The following PCDHGA5 variants were observed in gnomAD, a reference collection of about 807,000 sequenced individuals.
PCDHGA5 encodes protocadherin gamma-A5.
In PCDHGA5, 36 loss-of-function variants were observed where a neutral mutation model predicts 56.7. The observed-to-expected ratio is 0.64, with a 90% CI of 0.49 to 0.84. The LOEUF is 0.84. Ranked by LOEUF, PCDHGA5 falls within the 40% of genes least tolerant of loss-of-function variation. The pLI, the probability that PCDHGA5 is intolerant of heterozygous loss-of-function variation, is 0.00. For missense variants in PCDHGA5, 1,305 were observed against 1,201.5 expected (o/e 1.09, Z -1.27); for synonymous variants, 563 against 520.2 (o/e 1.08, Z -1.12).
chr5:141,399,672 C>T (rs1322373656), intron 1 of PCDHGA5: 1 of 1,613,510 alleles, frequency 6.2e-7, no homozygotes, highest in Admixed American at 1.7e-5. Context: ...CGCAGCGCGC[C>T]TTTGACTACG....
chr5:141,458,059 T>A (rs533147047), intron 1 of PCDHGA5, among the ~76,000 whole-genome samples: 1 of 152,238 alleles, frequency 6.6e-6, no homozygotes, highest in Admixed American at 6.5e-5. Flanking sequence ...CTTGCTGCAC[T>A]GATGCGAACA....
intron 1 of PCDHGA5, chr5:141,374,344 G>A (rs1770398551): frequency 6.2e-7 from 1 of 1,614,034 alleles, no homozygotes; most frequent in Non-Finnish European, 8.5e-7. Context: ...TGGTCACCGC[G>A]GGTAGGATAG....
In PCDHGA5 at chr5:141,392,907, C is replaced by T. The variant is rs746317747; in HGVS notation, c.2421+26156C>T. The T allele has an allele frequency of 5.6e-6, 9 of 1,613,824 alleles. No homozygotes were observed. In the East Asian group the frequency reaches 1.8e-4, roughly 32 times the overall value. On this transcript the variant is annotated intron_variant, in intron 1 of 3. Coordinates refer to ENST00000518069, the MANE Select transcript of PCDHGA5 (RefSeq NM_018918.3). Reference sequence around the variant, plus strand: ...GTGGGAAATCGGGAGGGGACAGATTCGCTACTCTGTGCCAGAAGAGACGGA... The same window carrying T: ...GTGGGAAATCGGGAGGGGACAGATTTGCTACTCTGTGCCAGAAGAGACGGA...
intron 1 of PCDHGA5, chr5:141,418,101 G>T: frequency 6.2e-7 from 1 of 1,614,082 alleles, no homozygotes; most frequent in Non-Finnish European, 8.5e-7. Context: ...GACGCGCAGA[G>T]CGGGGACTTA....
At chr5:141,443,321 A>AC (rs1175439570) in intron 1 of PCDHGA5, among the ~76,000 whole-genome samples, 1 of 151,616 alleles carries the variant, frequency 6.6e-6, no homozygotes, top group African/African-American at 2.4e-5. Flanking sequence ...TCTCTACAAA[A>AC]AAAAAAAACA....
At chr5:141,499,029 A>AAGGAAGGAAGGAAGGAAGGAAGG (rs1562187768) in intron 2 of PCDHGA5, among the ~76,000 whole-genome samples, 1 of 139,968 alleles carries the variant, frequency 7.1e-6, no homozygotes, top group African/African-American at 2.8e-5. Flanking sequence ...AGGAAGGAAG[A>AAGGAAGGAAGGAAGGAAGGAAGG]AAAGAAAGAA....
Position 141,494,855 on chromosome 5 carries a change from G to A in PCDHGA5, c.2470G>A (p.Gly824Ser), listed in dbSNP as rs200418116. The A allele has an allele frequency of 4.8e-4, 774 of 1,614,092 alleles. 7 individuals carry two copies. The South Asian group carries it at 5.1e-3, about 11-fold the overall frequency. ...GCGTTTCTCTCAGGCCCAGAGACCC[G>A]GCACCAGCGGGTAGGTGACTGATTC... is the stretch of plus-strand genomic sequence containing the variant. ...DWRFSQAQRP[G>S]TSGSQNGDDT... Residue 824 changes from glycine (G) to serine (S), a missense_variant, in exon 2 of 4, where the codon GGC becomes AGC. Coordinates refer to ENST00000518069, the MANE Select transcript of PCDHGA5 (RefSeq NM_018918.3).
intron 1 of PCDHGA5, among the ~76,000 whole-genome samples, chr5:141,460,983 GTATA>G (rs59296681): frequency 0.024 from 3,365 of 137,748 alleles, 55 homozygotes; most frequent in African/African-American, 0.035. Flanking sequence ...GTGTGTGTGT[GTATA>G]TATATATATG....
chr5:141,427,854 TGC>T (rs2097079964), intron 1 of PCDHGA5: 1 of 1,553,594 alleles, frequency 6.4e-7, no homozygotes, highest in Non-Finnish European at 8.8e-7. Context: ...CGAGCAGCTG[TGC>T]GCCTTCGAGC....
intron 1 of PCDHGA5, chr5:141,412,314 A>G (rs913648948): frequency 6.6e-6 from 1 of 152,240 alleles, no homozygotes; most frequent in African/African-American, 2.4e-5. Flanking sequence ...CAATGCAAAC[A>G]GTTTAATTTG....
At position 141,491,651 on chromosome 5, in the gene PCDHGA5, A is replaced by G. The variant is rs1379494110; in HGVS notation, c.2422-3156A>G. 1.9e-6 allele frequency: 3 copies of G among 1,613,796 alleles called. 1 individual carries two copies. ...CAGCAGCCCACAGCTCTGGCGCTGGAGCCTGACGCCATCCGGTCCCGCTCT... is the reference window on the plus strand; with the variant it reads ...CAGCAGCCCACAGCTCTGGCGCTGGGGCCTGACGCCATCCGGTCCCGCTCT... On this transcript the variant is annotated intron_variant, in intron 1 of 3. Coordinates refer to ENST00000518069, the MANE Select transcript of PCDHGA5 (RefSeq NM_018918.3). The surrounding 1 kb of genome is among the most constrained non-coding windows in gnomAD (Gnocchi z 6.9).
At chr5:141,384,479 A>T (rs1457273587) in intron 1 of PCDHGA5, 2 of 1,614,064 alleles carry the variant, frequency 1.2e-6, no homozygotes, top group South Asian at 2.2e-5. Context: ...CAGTTGAGAG[A>T]ACTACAACTA....
Position 141,476,782 on chromosome 5 carries a change from A to T in PCDHGA5, c.2422-18025A>T. On this transcript the variant is annotated intron_variant, in intron 1 of 3. Coordinates refer to ENST00000518069, the MANE Select transcript of PCDHGA5 (RefSeq NM_018918.3). The surrounding 1 kb of genome is among the most constrained non-coding windows in gnomAD (Gnocchi z 7.6). ...TGACGGCGTTGGACGGAGGGACCCCAGCTCTCTCCGCCAGCCTGCCTATTC... is the reference window on the plus strand; with the variant it reads ...TGACGGCGTTGGACGGAGGGACCCCTGCTCTCTCCGCCAGCCTGCCTATTC... 6.2e-7 allele frequency: 1 copy of T among 1,613,568 alleles called. No individual in the cohort carries two copies. The highest frequency in any genetic ancestry group is 8.5e-7 in the Non-Finnish European group (1 of 1,179,996).
At chr5:141,415,081 C>T in intron 1 of PCDHGA5, 1 of 1,613,522 alleles carries the variant, frequency 6.2e-7, no homozygotes, top group Non-Finnish European at 8.5e-7. Context: ...GGCGCGAGCC[C>T]TGCTGGACAG....
intron 1 of PCDHGA5, among the ~76,000 whole-genome samples, chr5:141,488,938 A>T (rs1195859645): frequency 6.6e-6 from 1 of 152,154 alleles, no homozygotes; most frequent in East Asian, 1.9e-4. Context: ...AGGAAACTCC[A>T]TAATTGGTTG....
chr5:141,409,567 G>A (rs974585499), intron 1 of PCDHGA5: 1 of 1,613,896 alleles, frequency 6.2e-7, no homozygotes, highest in African/African-American at 1.3e-5. Flanking sequence ...TCGACCAGAC[G>A]TCCTACGTGG....
rs374191427 is a variant in PCDHGA5 at position 141,419,804 on chromosome 5, G to A, written c.2421+53053G>A. ...GCGCCTGCTAGTCGCTGTAAGAGAT[G>A]GAGGACAGCCACCCCTTTCAGCCAC... On this transcript the variant is annotated intron_variant, in intron 1 of 3. Coordinates refer to ENST00000518069, the MANE Select transcript of PCDHGA5 (RefSeq NM_018918.3). The A allele has an allele frequency of 2.8e-5, 45 of 1,613,946 alleles. No homozygotes were observed. The highest frequency in any genetic ancestry group is 1.6e-4 in the Middle Eastern group (1 of 6,082).
At chr5:141,466,871 T>G (rs1432611218) in intron 1 of PCDHGA5, among the ~76,000 whole-genome samples, 1 of 152,166 alleles carries the variant, frequency 6.6e-6, no homozygotes, top group Admixed American at 6.5e-5. Flanking sequence ...ATCCACACAT[T>G]TTTTTCATAA....
chr5:141,446,797 A>G lies in PCDHGA5; in HGVS notation c.2422-48010A>G, dbSNP rs559881142. ...CCATTCTTTTACTCTGAGTTCTTCC[A>G]TTGTGATCATCTAGTCAGATGGGTA... is the stretch of plus-strand genomic sequence containing the variant. On this transcript the variant is annotated intron_variant, in intron 1 of 3. Coordinates refer to ENST00000518069, the MANE Select transcript of PCDHGA5 (RefSeq NM_018918.3). Among the ~76,000 whole-genome samples, 48 of 152,224 alleles carry G rather than the reference A, an allele frequency of 3.2e-4. No individual in the cohort carries two copies. In the South Asian group the frequency reaches 7.3e-3, roughly 23 times the overall value.
Sources: gnomAD v4.1 joint callset for allele counts (sites outside exome capture counted in the v4.1 genomes callset) on GRCh38, gnomAD v4.1.1 for gene constraint, Gnocchi (gnomAD v3.1) non-coding constraint, MANE v1.5 for transcripts, NCBI Gene and HGNC (gene_info 2026-07-23, HGNC 2026-07-21) for gene names.